The following NPSR1 variants were observed in gnomAD, a reference collection of about 807,000 sequenced individuals.
NPSR1 encodes the protein neuropeptide S receptor.
A neutral mutation model predicts 46.9 loss-of-function variants in NPSR1; 48 were observed. That is an observed-to-expected ratio of 1.02 (90% CI 0.81 to 1.30). The LOEUF is 1.30. Among genes scored for constraint, NPSR1 ranks in the 50% most tolerant of loss-of-function variants. The pLI is 0.00. For synonymous variants in NPSR1, 176 were observed against 168.1 expected (o/e 1.05, Z -0.36); for missense variants, 450 against 449.5 (o/e 1.00, Z -0.01).
intron 8 of NPSR1, among the ~76,000 whole-genome samples, chr7:34,871,342 A>T (rs1791448527): frequency 6.6e-6 from 1 of 151,398 alleles, no homozygotes; most frequent in African/African-American, 2.4e-5. Flanking sequence ...GGAGGGATCC[A>T]CCCCCACGAC....
chr7:34,671,174 G>A (rs1293325678), intron 1 of NPSR1, among the ~76,000 whole-genome samples: 2 of 141,186 alleles, frequency 1.4e-5, no homozygotes, highest in Non-Finnish European at 3.0e-5. Context: ...CAATGTTAAA[G>A]GTTTTTAAAA....
At chr7:34,851,584 C>A (rs375737339), downstream of NPSR1, among the ~76,000 whole-genome samples, 5 of 152,168 alleles carry the variant, frequency 3.3e-5, no homozygotes, top group East Asian at 5.8e-4. Context: ...AGAAGACCCA[C>A]GGAACTGTTG....
At chr7:34,721,863 G>C (rs985141830) in intron 2 of NPSR1, among the ~76,000 whole-genome samples, 2 of 152,070 alleles carry the variant, frequency 1.3e-5, no homozygotes, top group South Asian at 4.1e-4. Context: ...AAAGTCCTAA[G>C]ACTAAAGAAA....
intron 1 of NPSR1, among the ~76,000 whole-genome samples, chr7:34,673,896 T>G (rs1394504056): frequency 2.6e-5 from 4 of 152,188 alleles, no homozygotes; most frequent in Non-Finnish European, 5.9e-5. Flanking sequence ...AGAATCCCCA[T>G]AGTTCATGGT....
In NPSR1 at chr7:34,790,899, ATATGT is replaced by A. The variant is rs1244014072; in HGVS notation, c.384+12338_384+12342del. On this transcript the variant is annotated intron_variant, in intron 3 of 8. Coordinates refer to ENST00000360581, the MANE Select transcript of NPSR1 (RefSeq NM_207172.2). ...TGTTATATTATATATCATATATGTT[ATATGT>A]TATATTATATATCATATATGTTATA... Among the ~76,000 whole-genome samples, 2 of 134,692 alleles carry A rather than the reference ATATGT, an allele frequency of 1.5e-5. 1 individual carries two copies. The highest frequency in any genetic ancestry group is 1.6e-4 in the Admixed American group (2 of 12,452). The allele number at this position is 134,692 out of a possible 152,430, so 88.4% of individuals were successfully genotyped here.
In NPSR1 at chr7:34,848,519, A is replaced by T; in HGVS notation, c.881A>T (p.Asp294Val). 6.2e-7 allele frequency: 1 copy of T among 1,614,090 alleles called. No individual in the cohort carries two copies. Among genetic ancestry groups the T allele is most frequent in the South Asian group, 1.1e-5 (1 of 91,078 alleles). Residue 294 changes from aspartate (D) to valine (V), a missense_variant, in exon 8 of 9, where the codon GAC (aspartate) becomes GTC (valine). Physicochemically the swap from Asp to Val is radical, Grantham distance 152. Coordinates refer to ENST00000360581, the MANE Select transcript of NPSR1 (RefSeq NM_207172.2). Reference sequence around the variant, plus strand: ...TGTTGGAGTCCATACTTCCTGTTTGACATTTTGGACAATTTCAACCTCCTT... The same window carrying T: ...TGTTGGAGTCCATACTTCCTGTTTGTCATTTTGGACAATTTCAACCTCCTT... ...ICCWSPYFLF[D>V]ILDNFNLLPD...
chr7:34,788,696 G>C (rs1399895617), intron 3 of NPSR1, among the ~76,000 whole-genome samples: 1 of 151,952 alleles, frequency 6.6e-6, no homozygotes, highest in Non-Finnish European at 1.5e-5. Context: ...GAGAGAAATA[G>C]ACTGCAATAA....
intron 2 of NPSR1, among the ~76,000 whole-genome samples, chr7:34,702,958 C>G (rs1793909914): frequency 6.6e-6 from 1 of 152,218 alleles, no homozygotes; most frequent in African/African-American, 2.4e-5. Flanking sequence ...AAACAAAACC[C>G]TAGTTGACTT....
intron 3 of NPSR1, among the ~76,000 whole-genome samples, chr7:34,792,675 G>GTATATATATATATT (rs796939122): frequency 2.1e-4 from 17 of 81,274 alleles, no homozygotes; most frequent in African/African-American, 6.9e-4. Context: ...TTATATATAT[G>GTATATATATATATT]TATATATATA....
intron 1 of NPSR1, among the ~76,000 whole-genome samples, chr7:34,668,447 C>T (rs557155808): frequency 1.3e-5 from 2 of 152,286 alleles, no homozygotes; most frequent in East Asian, 3.9e-4. Context: ...TTCAAGAACA[C>T]AGAAACTATC....
chr7:34,663,523 T>C (rs951235075), intron 1 of NPSR1, among the ~76,000 whole-genome samples: 10 of 152,146 alleles, frequency 6.6e-5, no homozygotes, highest in African/African-American at 2.4e-4. Flanking sequence ...ACACAGTAAG[T>C]GGACCTCAGC....
chr7:34,737,575 G>A (rs1322327814), intron 2 of NPSR1, among the ~76,000 whole-genome samples: 1 of 151,998 alleles, frequency 6.6e-6, no homozygotes, highest in African/African-American at 2.4e-5. Context: ...CTAAACCGAG[G>A]GTCGATTATT....
intron 2 of NPSR1, among the ~76,000 whole-genome samples, chr7:34,701,550 A>T (rs10259175): frequency 6.6e-6 from 1 of 151,950 alleles, no homozygotes; most frequent in Non-Finnish European, 1.5e-5. Context: ...TGAACATAAT[A>T]TTAAAATGAA....
intron 3 of NPSR1, among the ~76,000 whole-genome samples, chr7:34,798,061 T>C (rs1353343505): frequency 6.6e-6 from 1 of 151,988 alleles, no homozygotes; most frequent in African/African-American, 2.4e-5. Context: ...AATGATAAAA[T>C]AATAAGCACA....
At chr7:34,838,743 A>G (rs1790466358) in intron 6 of NPSR1, among the ~76,000 whole-genome samples, 1 of 152,218 alleles carries the variant, frequency 6.6e-6, no homozygotes, top group Non-Finnish European at 1.5e-5. Context: ...TAAATTATCT[A>G]AAGACTTTCC....
chr7:34,819,062 G>C lies in NPSR1; in HGVS notation c.478+7199G>C, dbSNP rs180735941. ...AGCAATGGCAACAAAAGCCAAAATT[G>C]ACAAATGGGATCTAATTAAACTAAA... On this transcript the variant is annotated intron_variant, in intron 4 of 8. Transcript: ENST00000360581. Among the ~76,000 whole-genome samples, 947 of 152,250 alleles carry C rather than the reference G, an allele frequency of 6.2e-3. 5 individuals carry two copies. Among genetic ancestry groups the C allele is most frequent in the African/African-American group, 0.022 (907 of 41,552 alleles).
intron 2 of NPSR1, among the ~76,000 whole-genome samples, chr7:34,761,966 T>G (rs1484438843): frequency 1.3e-5 from 2 of 151,866 alleles, no homozygotes; most frequent in Non-Finnish European, 2.9e-5. Context: ...AGCACAGGAG[T>G]TTTTTGTGGC....
chr7:34,710,014 A>G (rs902235580), intron 2 of NPSR1, among the ~76,000 whole-genome samples: 4 of 152,034 alleles, frequency 2.6e-5, no homozygotes, highest in African/African-American at 9.7e-5. Flanking sequence ...AAGCTTTCAG[A>G]CTCCTGAGCA....
At chr7:34,772,237 C>G (rs1009680064) in intron 2 of NPSR1, among the ~76,000 whole-genome samples, 2 of 152,150 alleles carry the variant, frequency 1.3e-5, no homozygotes, top group Non-Finnish European at 2.9e-5. Flanking sequence ...AGCAATTAAC[C>G]AAATGACAGT....
Sources: allele counts gnomAD v4.1 joint callset (sites outside exome capture counted in the v4.1 genomes callset), GRCh38; gene constraint gnomAD v4.1.1; transcripts MANE v1.5; gene names NCBI Gene and HGNC (gene_info 2026-07-23, HGNC 2026-07-21).